Variants in DZIP1 observed in about 807,000 individuals in gnomAD.
The protein encoded by DZIP1 is cilium assembly protein DZIP1.
In DZIP1, 97 loss-of-function variants were observed where a neutral mutation model predicts 107.6. That is an observed-to-expected ratio of 0.90 (90% CI 0.77 to 1.07). The LOEUF (loss-of-function observed/expected upper bound fraction) is 1.07. Ranked by LOEUF, DZIP1 falls within the 50% of genes least tolerant of loss-of-function variation. DZIP1 has a pLI of 0.00. For missense variants in DZIP1, 1,035 were observed against 1,063.6 expected (o/e 0.97, Z 0.37); for synonymous variants, 390 against 386.4 (o/e 1.01, Z -0.11).
intron 13 of DZIP1, among the ~76,000 whole-genome samples, 195 bp from the exon 14 acceptor site, chr13:95,606,254 C>T (rs1427778053): frequency 1.3e-5 from 2 of 152,154 alleles, no homozygotes; most frequent in African/African-American, 4.8e-5. Context: ...GATATGTTCC[C>T]CTTTTAAAAA....
At chr13:95,596,876 G>C (rs1385466965) in intron 15 of DZIP1, among the ~76,000 whole-genome samples, 1 of 152,200 alleles carries the variant, frequency 6.6e-6, no homozygotes, top group Non-Finnish European at 1.5e-5. Flanking sequence ...ACAAGCTGAG[G>C]AATTTATTGA....
chr13:95,585,977 G>T (rs1429580256), intron 21 of DZIP1, 29 bp downstream of exon 21: 2 of 1,566,728 alleles, frequency 1.3e-6, no homozygotes, highest in South Asian at 1.2e-5. Context: ...ACAAATTTAT[G>T]TATATCTAGC....
chr13:95,634,549 G>C lies in DZIP1; in HGVS notation c.598-1228C>G, dbSNP rs192727623. Among the ~76,000 whole-genome samples the C allele has an allele frequency of 6.6e-5, 10 of 152,302 alleles. No homozygotes were observed. In the East Asian group the frequency reaches 1.9e-3, roughly 29 times the overall value. ...TTAAAATAAATTTTCTGAGAAAAAA[G>C]AAGTCAATTCCACGTATACCTCTGT... On this transcript the variant is annotated intron_variant, in intron 5 of 22. Transcript: ENST00000376829.
rs1350501045 is a variant in DZIP1 at position 95,641,712 on chromosome 13, G to C, written c.180C>G (p.Phe60Leu). The change falls in exon 5 of 23, where the codon TTC becomes TTG. Residue 60 changes from phenylalanine to leucine, a missense_variant. Coordinates refer to ENST00000376829, the MANE Select transcript of DZIP1 (RefSeq NM_198968.4). This position sits in a 1 kb window ranked among gnomAD's most constrained non-coding sequence, Gnocchi z 4.3. Reference protein sequence around the residue: ...AASGPLPFFQFRPRLESVDWR... With the variant: ...AASGPLPFFQLRPRLESVDWR... ...AGTCCACACTCTCCAGCCGCGGCCT[G>C]AACTGGAAGAAGGGCAGGGGCCCCG... is the stretch of plus-strand genomic sequence containing the variant. 6.2e-7 allele frequency: 1 copy of C among 1,601,094 alleles called. No individual in the cohort carries two copies. The highest frequency in any genetic ancestry group is 8.5e-7 in the Non-Finnish European group (1 of 1,178,730).
intron 5 of DZIP1, among the ~76,000 whole-genome samples, chr13:95,634,959 T>G (rs1182017751): frequency 6.6e-6 from 1 of 152,192 alleles, no homozygotes; most frequent in African/African-American, 2.4e-5. Flanking sequence ...TGGTTATGTC[T>G]CTTAACACTC....
chr13:95,642,107 A>T lies in DZIP1; in HGVS notation c.-78T>A, dbSNP rs867799245. 5 of 1,432,546 alleles carry T rather than the reference A, an allele frequency of 3.5e-6. No individual in the cohort carries two copies. Among genetic ancestry groups the T allele is most frequent in the Non-Finnish European group, 4.5e-6 (5 of 1,099,748 alleles). 88.7% of individuals were successfully genotyped at this position (1,432,546 alleles called of 1,614,324 possible). ...CGCCACAGCCCTCAGGAGCGGGAGA[A>T]GGCCGGGTTCCTCGCTTCCGCGGCG... On this transcript the variant is annotated 5_prime_UTR_variant, in exon 4 of 23. Coordinates refer to ENST00000376829, the MANE Select transcript of DZIP1 (RefSeq NM_198968.4).
chr13:95,628,327 GCCA>G (rs1876801175), intron 7 of DZIP1, among the ~76,000 whole-genome samples: 1 of 152,172 alleles, frequency 6.6e-6, no homozygotes, highest in Non-Finnish European at 1.5e-5. Context: ...ACAGTTGTGA[GCCA>G]CCACACGTGG....
In DZIP1 at chr13:95,581,990, CATGTT is replaced by C. The variant is rs2044020579; in HGVS notation, c.*239_*243del. 1 of 369,264 alleles carries C rather than the reference CATGTT, an allele frequency of 2.7e-6. No homozygotes were observed. Among genetic ancestry groups the C allele is most frequent in the African/African-American group, 2.1e-5 (1 of 48,212 alleles). 22.9% of individuals were successfully genotyped at this position (369,264 alleles called of 1,614,324 possible). A position where few individuals can be genotyped will look rare whatever the true frequency, so the allele number is the denominator to read the frequency against. ...AAAAAACTTTTTATGACTTCAATGACATGTTATTTTTAAGCAGCAGCGGAAGTCTT... is the reference window on the plus strand; with the variant it reads ...AAAAAACTTTTTATGACTTCAATGACATTTTTAAGCAGCAGCGGAAGTCTT... On this transcript the variant is annotated 3_prime_UTR_variant, in exon 23 of 23. Coordinates refer to ENST00000376829, the MANE Select transcript of DZIP1 (RefSeq NM_198968.4).
intron 9 of DZIP1, among the ~76,000 whole-genome samples, chr13:95,621,141 C>T (rs992708289): frequency 6.7e-6 from 1 of 149,642 alleles, no homozygotes; most frequent in Non-Finnish European, 1.5e-5. Context: ...GTACCTGCCC[C>T]CCTGGCTGAA....
intron 5 of DZIP1, among the ~76,000 whole-genome samples, chr13:95,640,772 T>C (rs930408071): frequency 6.6e-6 from 1 of 152,138 alleles, no homozygotes. Context: ...TGTGAAATGG[T>C]TCAAAAGTAA....
At chr13:95,622,069 T>C (rs1875935999) in intron 9 of DZIP1, among the ~76,000 whole-genome samples, 1 of 152,144 alleles carries the variant, frequency 6.6e-6, no homozygotes, top group African/African-American at 2.4e-5. Context: ...AGATGAAAAA[T>C]GAATAGCTAG....
chr13:95,604,690 A>C (rs1306126354), intron 14 of DZIP1, among the ~76,000 whole-genome samples: 8 of 152,192 alleles, frequency 5.3e-5, no homozygotes, highest in African/African-American at 1.9e-4. Context: ...TATGACAAAG[A>C]AACTAGGAAC....
chr13:95,622,821 C>A (rs1003885393), intron 8 of DZIP1, among the ~76,000 whole-genome samples: 5 of 151,320 alleles, frequency 3.3e-5, no homozygotes, highest in Non-Finnish European at 5.9e-5. Context: ...TGGCTCACTG[C>A]AGCCTCAACC....
At chr13:95,592,679 G>A (rs181894529) in intron 16 of DZIP1, among the ~76,000 whole-genome samples, 1 of 152,270 alleles carries the variant, frequency 6.6e-6, no homozygotes, top group African/African-American at 2.4e-5. Flanking sequence ...CAAAAGACAT[G>A]TACAAGAATT....
intron 5 of DZIP1, among the ~76,000 whole-genome samples, chr13:95,639,847 A>T (rs1878278146): frequency 6.6e-6 from 1 of 152,154 alleles, no homozygotes; most frequent in Non-Finnish European, 1.5e-5. Flanking sequence ...GTAAATATTT[A>T]ATTTTTAAGC....
chr13:95,624,692 C>G lies in DZIP1; in HGVS notation c.972+76G>C. The G allele has an allele frequency of 2.3e-6, 3 of 1,305,744 alleles. No homozygotes were observed. The East Asian group carries it at 7.5e-5, about 33-fold the overall frequency. The allele number at this position is 1,305,744 out of a possible 1,614,324, so 80.9% of individuals were successfully genotyped here. A position where few individuals can be genotyped will look rare whatever the true frequency, so the allele number is the denominator to read the frequency against. ...GGTAACATAAAGTAACTGCTGGATC[C>G]CCTGGCCTTAATGCCATCCTAACAC... is the stretch of plus-strand genomic sequence containing the variant. On this transcript the variant is annotated intron_variant, in intron 8 of 22. Transcript: ENST00000376829.
At chr13:95,622,599 G>A in intron 8 of DZIP1, 119 bp from the exon 9 acceptor site, 1 of 1,005,180 alleles carries the variant, frequency 9.9e-7, no homozygotes, top group Non-Finnish European at 1.5e-6. Context: ...GGACGCTCCT[G>A]GACGCTCTTG....
intron 12 of DZIP1, among the ~76,000 whole-genome samples, chr13:95,610,088 G>T (rs894996025): frequency 1.5e-4 from 20 of 137,070 alleles, no homozygotes; most frequent in African/African-American, 5.3e-4. Context: ...GTGTGTGTGT[G>T]TGTGTGTGTG....
At chr13:95,634,610 A>G (rs1418496106) in intron 5 of DZIP1, among the ~76,000 whole-genome samples, 1 of 152,206 alleles carries the variant, frequency 6.6e-6, no homozygotes, top group Non-Finnish European at 1.5e-5. Context: ...TTTTAAGCAA[A>G]AATCCCATTT....
Sources: allele counts gnomAD v4.1 joint callset (sites outside exome capture counted in the v4.1 genomes callset), GRCh38; gene constraint gnomAD v4.1.1; non-coding constraint Gnocchi (gnomAD v3.1); transcripts MANE v1.5; gene names NCBI Gene and HGNC (gene_info 2026-07-23, HGNC 2026-07-21).